Variants in SEC14L1 observed in about 807,000 individuals in gnomAD.
SEC14L1 encodes the protein SEC14-like protein 1.
SEC14L1 carries 48 observed loss-of-function variants against 85.3 expected under a neutral mutation model. The ratio of observed to expected loss-of-function variants is 0.56; its 90% CI spans 0.45 to 0.72. The LOEUF is 0.72. Among genes scored for constraint, SEC14L1 ranks in the 30% least tolerant of loss-of-function variants. The pLI is 0.00. For missense variants in SEC14L1, 682 were observed against 921.4 expected (o/e 0.74, Z 3.36); for synonymous variants, 391 against 355.5 (o/e 1.10, Z -1.12).
chr17:77,119,389 C>T (rs145026896), intron 3 of SEC14L1, among the ~76,000 whole-genome samples: 88 of 151,882 alleles, frequency 5.8e-4, no homozygotes, highest in South Asian at 1.3e-3. Flanking sequence ...CAGACTCTGT[C>T]CTACCCAGGA....
In SEC14L1 at chr17:77,214,055, G is replaced by A. The variant is rs753441474; in HGVS notation, c.*32G>A. 7 of 1,595,958 alleles carry A rather than the reference G, an allele frequency of 4.4e-6. No individual in the cohort carries two copies. In the African/African-American group the frequency reaches 6.7e-5, roughly 15 times the overall value. On this transcript the variant is annotated 3_prime_UTR_variant, in exon 17 of 17. Transcript: ENST00000436233. ...GCTGCCTGCACCTAGTGTGCAGAGGGGACGGCCGCCCCTCCTCGGACAGCC... is the reference window on the plus strand; with the variant it reads ...GCTGCCTGCACCTAGTGTGCAGAGGAGACGGCCGCCCCTCCTCGGACAGCC...
chr17:77,194,724 C>A lies in SEC14L1; in HGVS notation c.522C>A (p.Gly174=), dbSNP rs1016136077. ...ACCTTCGCCAATTAGAAGAAGAAGG[C>A]ATAACCTTTGTGCCCCGTTGGAGTC... is the stretch of plus-strand genomic sequence containing the variant. ...EYYLRQLEEE[G]ITFVPRWSPP... is the part of the protein sequence containing the mutation. The change falls in exon 7 of 17, where the codon GGC becomes GGA. Residue 174 remains glycine, a synonymous_variant. Transcript: ENST00000436233. 3.1e-6 allele frequency: 5 copies of A among 1,614,194 alleles called. No individual in the cohort carries two copies. The highest frequency in any genetic ancestry group is 4.2e-6 in the Non-Finnish European group (5 of 1,180,024).
At chr17:77,190,447 G>A (rs77511541) in intron 3 of SEC14L1, among the ~76,000 whole-genome samples, 1,836 of 152,224 alleles carry the variant, frequency 0.012, 23 homozygotes, top group South Asian at 0.046. Context: ...CGGGGTGACT[G>A]ATTCTTCCCA....
intron 6 of SEC14L1, among the ~76,000 whole-genome samples, chr17:77,193,761 A>G (rs1975659716): frequency 6.6e-6 from 1 of 152,184 alleles, no homozygotes; most frequent in South Asian, 2.1e-4. Flanking sequence ...AGCTCTAGCA[A>G]TGGCACTGTC....
intron 3 of SEC14L1, among the ~76,000 whole-genome samples, chr17:77,188,989 G>C (rs1477722985): frequency 1.3e-5 from 2 of 149,840 alleles, no homozygotes; most frequent in Admixed American, 6.7e-5. Context: ...TAAAACTCTT[G>C]AGTTGTTTTT....
rs554365376 is a variant in SEC14L1 at position 77,214,030 on chromosome 17, G to A, written c.*7G>A. The A allele has an allele frequency of 2.8e-5, 45 of 1,611,242 alleles. No homozygotes were observed. The highest frequency in any genetic ancestry group is 3.3e-5 in the Non-Finnish European group (39 of 1,179,374). On this transcript the variant is annotated 3_prime_UTR_variant, in exon 17 of 17. Coordinates refer to ENST00000436233, the MANE Select transcript of SEC14L1 (RefSeq NM_001143998.2). ...CTCCATGATCTCCAGGTAGTGCCGC[G>A]CTGCCTGCACCTAGTGTGCAGAGGG... is the stretch of plus-strand genomic sequence containing the variant.
intron 3 of SEC14L1, among the ~76,000 whole-genome samples, chr17:77,161,343 T>A (rs1366253037): frequency 6.6e-6 from 1 of 152,076 alleles, no homozygotes; most frequent in Non-Finnish European, 1.5e-5. Context: ...AAAAATCAGC[T>A]GGGCATGGTG....
chr17:77,150,642 G>A (rs757833568), intron 3 of SEC14L1, among the ~76,000 whole-genome samples: 5 of 152,194 alleles, frequency 3.3e-5, no homozygotes, highest in Non-Finnish European at 5.9e-5. Context: ...CGTGGAGTGC[G>A]AAATGCCCGA....
At chr17:77,090,309 C>T (rs1475513142) in intron 2 of SEC14L1, among the ~76,000 whole-genome samples, 1 of 147,432 alleles carries the variant, frequency 6.8e-6, no homozygotes, top group African/African-American at 2.5e-5. Flanking sequence ...AAAAAAAGGG[C>T]ATAATTCAAG....
intron 3 of SEC14L1, among the ~76,000 whole-genome samples, chr17:77,147,653 T>C (rs1003667624): frequency 3.3e-5 from 5 of 152,122 alleles, no homozygotes; most frequent in African/African-American, 1.2e-4. Context: ...CTATGCTTCT[T>C]CCTTCTACCC....
intron 3 of SEC14L1, among the ~76,000 whole-genome samples, chr17:77,186,575 T>C (rs1306525692): frequency 6.6e-6 from 1 of 152,236 alleles, no homozygotes; most frequent in East Asian, 1.9e-4. Context: ...GAGTGTAGCA[T>C]GTGCTTTTCA....
chr17:77,142,454 AGGCTG>A (rs1973099761), intron 1 of SEC14L1, among the ~76,000 whole-genome samples, 187 bp from the exon 2 acceptor site: 1 of 148,728 alleles, frequency 6.7e-6, no homozygotes, highest in African/African-American at 2.5e-5. Context: ...GCTACTTGGG[AGGCTG>A]AGGCAGGAGG....
upstream of SEC14L1, among the ~76,000 whole-genome samples, chr17:77,138,005 G>A (rs189832061): frequency 6.6e-6 from 1 of 152,246 alleles, no homozygotes; most frequent in Admixed American, 6.5e-5. Flanking sequence ...AGTTTTTAAA[G>A]ACAACTTGGT....
intron 3 of SEC14L1, among the ~76,000 whole-genome samples, chr17:77,110,646 T>G (rs1376721882): frequency 6.7e-6 from 1 of 150,000 alleles, no homozygotes; most frequent in Non-Finnish European, 1.5e-5. Context: ...TTTGGGAGGC[T>G]GAGGTGGGTG....
At chr17:77,098,000 G>A (rs1971686417) in intron 3 of SEC14L1, among the ~76,000 whole-genome samples, 1 of 152,084 alleles carries the variant, frequency 6.6e-6, no homozygotes, top group Non-Finnish European at 1.5e-5. Flanking sequence ...ACCCCAGCAG[G>A]GGAGGCAGCC....
At chr17:77,174,653 G>A (rs1974670895) in intron 3 of SEC14L1, among the ~76,000 whole-genome samples, 1 of 152,094 alleles carries the variant, frequency 6.6e-6, no homozygotes, top group Non-Finnish European at 1.5e-5. Flanking sequence ...CCACCACAAC[G>A]AGGCAGTGGG....
At chr17:77,107,988 C>T (rs1208578907) in intron 3 of SEC14L1, among the ~76,000 whole-genome samples, 1 of 152,148 alleles carries the variant, frequency 6.6e-6, no homozygotes, top group Non-Finnish European at 1.5e-5. Context: ...CAGCGATCCT[C>T]TCACCTCCGC....
At chr17:77,156,184 G>C (rs1360726244) in intron 3 of SEC14L1, among the ~76,000 whole-genome samples, 2 of 151,980 alleles carry the variant, frequency 1.3e-5, no homozygotes, top group South Asian at 2.1e-4. Context: ...GCCGCTGTAG[G>C]GTCCTGACAC....
intron 3 of SEC14L1, among the ~76,000 whole-genome samples, chr17:77,171,078 T>C (rs1974503690): frequency 6.6e-6 from 1 of 152,236 alleles, no homozygotes; most frequent in Admixed American, 6.5e-5. Flanking sequence ...CCTGAGTTTT[T>C]TCCCCCAAGG....
Sources: gnomAD v4.1 joint callset for allele counts (sites outside exome capture counted in the v4.1 genomes callset) on GRCh38, gnomAD v4.1.1 for gene constraint, MANE v1.5 for transcripts, NCBI Gene and HGNC (gene_info 2026-07-23, HGNC 2026-07-21) for gene names.